CCDC171: variants seen among roughly 807,000 people sequenced by gnomAD.
CCDC171 encodes coiled-coil domain containing 171.
In CCDC171, 177 loss-of-function variants were observed where a neutral mutation model predicts 168.2. The observed-to-expected ratio is 1.05, with a 90% confidence interval of 0.93 to 1.19. The LOEUF (loss-of-function observed/expected upper bound fraction) is 1.19, where lower values mean the gene tolerates loss of function less well. Among genes scored for constraint, CCDC171 ranks in the 50% most tolerant of loss-of-function variants. The probability of loss-of-function intolerance (pLI) is 0.00; values close to 1 mark genes in which losing one functional copy is unlikely to be tolerated. For missense variants in CCDC171, 1,991 were observed against 1,539.0 expected, an observed-to-expected ratio of 1.29 and a Z score of -4.91; for synonymous variants, 687 against 540.8, an observed-to-expected ratio of 1.27 and a Z score of -3.75.
intron 18 of CCDC171, among the ~76,000 whole-genome samples, chr9:15,771,103 C>T (rs987703554): frequency 3.3e-5 from 5 of 152,162 alleles, no homozygotes; most frequent in East Asian, 1.9e-4. Flanking sequence ...CAGCAAATTT[C>T]CTTTTGATGA....
intron 18 of CCDC171, among the ~76,000 whole-genome samples, chr9:15,759,509 G>T (rs963064665): frequency 6.6e-6 from 1 of 152,106 alleles, no homozygotes. Context: ...TATAGCAGAA[G>T]GATCTAGTTT....
In CCDC171 at chr9:15,971,674, T is replaced by G; in HGVS notation, c.3819T>G (p.Thr1273=). ...GAGCTCCTCTTCCTGCTGACACAAC[T>G]GGTATTGGGGATTTCTTACCATTGA... ...PSRAPLPADT[T]GIGDFLPLKA... The change falls in exon 26 of 26, where the codon ACT becomes ACG. Residue 1273 remains threonine (T), a synonymous_variant. Transcript: ENST00000380701. 6.2e-7 allele frequency: 1 copy of G among 1,613,940 alleles called. No individual in the cohort carries two copies. Among genetic ancestry groups the G allele is most frequent in the Admixed American group, 1.7e-5 (1 of 59,992 alleles).
intron 6 of CCDC171, among the ~76,000 whole-genome samples, chr9:15,610,463 A>AC (rs1564044041): frequency 2.1e-5 from 3 of 139,588 alleles, no homozygotes; most frequent in Non-Finnish European, 4.7e-5. Context: ...AAAAAAAAAA[A>AC]AAAAAAAAAA....
At chr9:15,622,029 A>G (rs192778543) in intron 6 of CCDC171, among the ~76,000 whole-genome samples, 1 of 152,214 alleles carries the variant, frequency 6.6e-6, no homozygotes, top group Non-Finnish European at 1.5e-5. Flanking sequence ...CTAACACAGG[A>G]ACAGAAAACC....
chr9:15,566,917 A>G (rs1172225526), intron 2 of CCDC171, among the ~76,000 whole-genome samples: 2 of 152,164 alleles, frequency 1.3e-5, no homozygotes, highest in African/African-American at 2.4e-5. Context: ...TGTTGATAAG[A>G]GTAACATTTC....
intron 25 of CCDC171, among the ~76,000 whole-genome samples, chr9:15,964,463 T>C (rs1395922255): frequency 1.3e-5 from 2 of 152,166 alleles, no homozygotes; most frequent in African/African-American, 2.4e-5. Flanking sequence ...GAATGTATGT[T>C]TCTAAGACAG....
intron 3 of CCDC171, among the ~76,000 whole-genome samples, chr9:15,985,630 CT>C (rs1381931062): frequency 6.6e-5 from 10 of 152,262 alleles, no homozygotes; most frequent in Admixed American, 3.9e-4. Flanking sequence ...AACTTTCCAA[CT>C]TTTGGTATAC....
chr9:16,056,211 T>A (rs374556251), intron 1 of CCDC171, among the ~76,000 whole-genome samples: 44 of 152,364 alleles, frequency 2.9e-4, no homozygotes, highest in African/African-American at 1.0e-3. Flanking sequence ...TGATTTTATA[T>A]ATTTTCCACA....
chr9:15,884,320 A>G (rs1232965424), intron 24 of CCDC171, among the ~76,000 whole-genome samples: 1 of 152,204 alleles, frequency 6.6e-6, no homozygotes, highest in East Asian at 1.9e-4. Flanking sequence ...TCGCACTAAT[A>G]AATGTTTTTG....
Position 15,864,814 on chromosome 9 carries a change from A to G in CCDC171, c.3469-9718A>G, listed in dbSNP as rs868501753. 1.7e-4 allele frequency among the ~76,000 whole-genome samples: 26 copies of G among 152,210 alleles called. No homozygotes were observed. The Middle Eastern group carries it at 0.014, about 80-fold the overall frequency. ...TACTGCAGCTAAGAGTAAAAGTAAG[A>G]AAACTTAGGTAAAATTGAAATGTGA... On this transcript the variant is annotated intron_variant, in intron 23 of 25. Coordinates refer to ENST00000380701, the MANE Select transcript of CCDC171 (RefSeq NM_173550.4).
intron 25 of CCDC171, among the ~76,000 whole-genome samples, chr9:15,953,563 G>C (rs1467398989): frequency 6.6e-6 from 1 of 152,120 alleles, no homozygotes; most frequent in Non-Finnish European, 1.5e-5. Flanking sequence ...TTATTGTGCT[G>C]TTGAATTCAG....
chr9:15,573,980 C>G (rs1325836741), intron 3 of CCDC171, among the ~76,000 whole-genome samples: 1 of 152,008 alleles, frequency 6.6e-6, no homozygotes, highest in Non-Finnish European at 1.5e-5. Flanking sequence ...ACACTGTTCT[C>G]TTTTATTTGA....
chr9:15,950,876 G>C (rs4741551), intron 25 of CCDC171, among the ~76,000 whole-genome samples: 44,239 of 147,414 alleles, frequency 0.3, 8,389 homozygotes, highest in East Asian at 0.6. Context: ...ATTCAGGAAA[G>C]CCATCTCACG....
intron 9 of CCDC171, among the ~76,000 whole-genome samples, chr9:15,669,249 A>G (rs1408986060): frequency 2.0e-5 from 3 of 152,210 alleles, no homozygotes; most frequent in Admixed American, 6.5e-5. Context: ...ATTTCTTAGA[A>G]TAAATTTTTT....
At chr9:15,764,883 C>T (rs919178281) in intron 18 of CCDC171, among the ~76,000 whole-genome samples, 3 of 152,078 alleles carry the variant, frequency 2.0e-5, no homozygotes, top group Non-Finnish European at 2.9e-5. Context: ...GACATAACTG[C>T]TTTGGGGAGT....
chr9:15,633,298 T>G (rs1416573485), intron 7 of CCDC171, among the ~76,000 whole-genome samples: 1 of 151,972 alleles, frequency 6.6e-6, no homozygotes, highest in African/African-American at 2.4e-5. Context: ...ATATCCAGAA[T>G]CTACAATGAA....
chr9:15,644,081 A>C (rs2046845746), intron 7 of CCDC171, among the ~76,000 whole-genome samples: 1 of 152,194 alleles, frequency 6.6e-6, no homozygotes, highest in South Asian at 2.1e-4. Flanking sequence ...TCTTGGGCAA[A>C]TATATAGGAA....
At chr9:15,700,021 G>T (rs2051578706) in intron 11 of CCDC171, among the ~76,000 whole-genome samples, 1 of 152,256 alleles carries the variant, frequency 6.6e-6, no homozygotes, top group South Asian at 2.1e-4. Flanking sequence ...GGAGCTGCCT[G>T]CCAGTCCCGT....
At chr9:16,095,899 T>TATATATATATATACAC in the CCDC171 span, among the ~76,000 whole-genome samples, 289 of 140,174 alleles carry the variant, frequency 2.1e-3, 3 homozygotes, top group African/African-American at 7.5e-3. Context: ...TATATATATA[T>TATATATATATATACAC]ACTGCCTCCA....
Sources: gnomAD v4.1 joint callset for allele counts (sites outside exome capture counted in the v4.1 genomes callset) on GRCh38, gnomAD v4.1.1 for gene constraint, MANE v1.5 for transcripts, NCBI Gene and HGNC (gene_info 2026-07-23, HGNC 2026-07-21) for gene names.